The following COL19A1 variants were observed in gnomAD, a reference collection of about 807,000 sequenced individuals.
The protein encoded by COL19A1 is collagen alpha-1(XIX) chain.
A neutral mutation model predicts 190.2 loss-of-function variants in COL19A1; 159 were observed. The ratio of observed to expected loss-of-function variants is 0.84; its 90% confidence interval spans 0.73 to 0.95. The LOEUF (loss-of-function observed/expected upper bound fraction) is 0.95. Among genes scored for constraint, COL19A1 ranks in the 40% least tolerant of loss-of-function variants. The pLI is 0.00. For missense variants in COL19A1, 1,418 were observed against 1,431.9 expected (o/e 0.99, Z 0.16); for synonymous variants, 509 against 458.9 (o/e 1.11, Z -1.39).
rs147003351 is a variant in COL19A1 at position 70,022,204 on chromosome 6, A to G, written c.1027-1423A>G. Among the ~76,000 whole-genome samples the G allele has an allele frequency of 5.8e-3, 887 of 152,328 alleles. 36 individuals carry two copies. The highest frequency in any genetic ancestry group is 0.053 in the Admixed American group (809 of 15,300). On this transcript the variant is annotated intron_variant, in intron 11 of 50. Transcript: ENST00000620364. ...AAAAACAGAAAATATAAAGAAGAGA[A>G]TAAGGCAAAGATTATTACTACTACT...
chr6:70,064,477 A>G (rs1442333086), intron 14 of COL19A1, among the ~76,000 whole-genome samples: 2 of 152,214 alleles, frequency 1.3e-5, no homozygotes, highest in Non-Finnish European at 2.9e-5. Flanking sequence ...AATAAGAGCT[A>G]TTTATGACAA....
At chr6:69,896,116 T>G (rs2149966904) in intron 2 of COL19A1, among the ~76,000 whole-genome samples, 1 of 152,172 alleles carries the variant, frequency 6.6e-6, no homozygotes, top group South Asian at 2.1e-4. Context: ...CTCCACATCC[T>G]CATCAACGCT....
At chr6:69,940,590 T>C (rs1341847320) in intron 9 of COL19A1, among the ~76,000 whole-genome samples, 1 of 152,188 alleles carries the variant, frequency 6.6e-6, no homozygotes. Flanking sequence ...TGCAGTATGT[T>C]TTAAGAATAT....
intron 31 of COL19A1, 122 bp from the exon 32 acceptor site, chr6:70,156,005 A>C (rs998999220): frequency 2.8e-6 from 2 of 704,734 alleles, no homozygotes; most frequent in Non-Finnish European, 4.6e-6. Flanking sequence ...GTCTGAAAGC[A>C]GAATGACCTA....
intron 20 of COL19A1, among the ~76,000 whole-genome samples, chr6:70,141,457 TCATTAAGCACATATAACTAAC>T (rs1374723631): frequency 6.6e-6 from 1 of 152,104 alleles, no homozygotes; most frequent in Non-Finnish European, 1.5e-5. Context: ...GTGATTTTTT[TCATTAAGCACATATAACTAAC>T]CATTAAGCAC....
chr6:69,958,675 G>A (rs569428874), intron 9 of COL19A1, among the ~76,000 whole-genome samples: 45 of 152,202 alleles, frequency 3.0e-4, no homozygotes, highest in Middle Eastern at 3.4e-3. Flanking sequence ...CTGTTTTACC[G>A]TAGAATACTT....
chr6:69,927,878 C>T, intron 4 of COL19A1, 31 bp from the exon 5 acceptor site: 1 of 1,576,732 alleles, frequency 6.3e-7, no homozygotes, highest in Non-Finnish European at 8.6e-7. Context: ...CTCCAGTTTC[C>T]CCACAAAAGT....
At chr6:69,879,971 A>G (rs1340425228) in intron 2 of COL19A1, 1 of 372,966 alleles carries the variant, frequency 2.7e-6, no homozygotes, top group East Asian at 3.9e-5. Flanking sequence ...CCTCTTCAAT[A>G]ATTATTCAAG....
intron 37 of COL19A1, 41 bp downstream of exon 37, chr6:70,166,026 A>G: frequency 6.5e-7 from 1 of 1,549,136 alleles, no homozygotes; most frequent in Non-Finnish European, 8.9e-7. Context: ...TCATGTGTTT[A>G]CTTAAGACTT....
rs773050310 is a variant in COL19A1 at position 69,927,900 on chromosome 6, C to T, written c.267-9C>T. On this transcript the variant is annotated splice_polypyrimidine_tract_variant and intron_variant, in intron 4 of 50. Transcript: ENST00000620364. ...TTCCCCACAAAAGTTCTTTGTTTTC[C>T]TCCCACAGTAAGATATTTCCCAAAG... 1.0e-5 allele frequency: 16 copies of T among 1,588,104 alleles called. No homozygotes were observed. Among genetic ancestry groups the T allele is most frequent in the Non-Finnish European group, 1.4e-5 (16 of 1,164,358 alleles).
chr6:70,110,405 A>T (rs1784218727), intron 16 of COL19A1, among the ~76,000 whole-genome samples: 1 of 152,196 alleles, frequency 6.6e-6, no homozygotes, highest in African/African-American at 2.4e-5. Context: ...AATTTATTTG[A>T]GTCAATGGGA....
chr6:70,142,133 T>C (rs1786294509), intron 22 of COL19A1, 57 bp downstream of exon 22: 2 of 1,495,468 alleles, frequency 1.3e-6, no homozygotes, highest in African/African-American at 1.4e-5. Flanking sequence ...GTAGCCATTC[T>C]GTGTAAAACA....
At position 70,180,297 on chromosome 6, in the gene COL19A1, A is replaced by C; in HGVS notation, c.2668-15A>C. Reference sequence around the variant, plus strand: ...AATTTGGCTCCTAACATTTCTCTTCAATTTGCCTTGCCAGGGAAAACCTGG... The same window carrying C: ...AATTTGGCTCCTAACATTTCTCTTCCATTTGCCTTGCCAGGGAAAACCTGG... On this transcript the variant is annotated splice_polypyrimidine_tract_variant and intron_variant, in intron 42 of 50. Transcript: ENST00000620364. 6.2e-7 allele frequency: 1 copy of C among 1,614,098 alleles called. No individual in the cohort carries two copies. The highest frequency in any genetic ancestry group is 2.2e-5 in the East Asian group (1 of 44,868).
intron 2 of COL19A1, among the ~76,000 whole-genome samples, chr6:69,881,364 C>T (rs999087618): frequency 6.6e-6 from 1 of 152,074 alleles, no homozygotes; most frequent in African/African-American, 2.4e-5. Context: ...CTTTTAGTAA[C>T]TTTTTAAAAT....
intron 16 of COL19A1, among the ~76,000 whole-genome samples, chr6:70,107,093 G>A (rs1184517747): frequency 1.3e-5 from 2 of 152,178 alleles, no homozygotes; most frequent in African/African-American, 4.8e-5. Context: ...ACTTGGAAAT[G>A]TCAAGTAACT....
intron 11 of COL19A1, among the ~76,000 whole-genome samples, chr6:69,982,624 CTTT>C (rs1487304230): frequency 1.3e-5 from 2 of 151,818 alleles, no homozygotes; most frequent in Non-Finnish European, 2.9e-5. Context: ...TCACCAGGCT[CTTT>C]AAGATTATCT....
intron 9 of COL19A1, among the ~76,000 whole-genome samples, chr6:69,944,286 A>G (rs1321580900): frequency 6.6e-6 from 1 of 152,126 alleles, no homozygotes; most frequent in Non-Finnish European, 1.5e-5. Flanking sequence ...TCACGCATCT[A>G]TTTCTTTCCC....
At chr6:70,091,235 C>T (rs1177775706) in intron 15 of COL19A1, among the ~76,000 whole-genome samples, 1 of 152,122 alleles carries the variant, frequency 6.6e-6, no homozygotes, top group Non-Finnish European at 1.5e-5. Context: ...GGCCCCATAA[C>T]CTTGGGCAAG....
chr6:70,069,491 A>G (rs1201905786), intron 15 of COL19A1, among the ~76,000 whole-genome samples: 2 of 152,158 alleles, frequency 1.3e-5, no homozygotes, highest in Non-Finnish European at 2.9e-5. Flanking sequence ...CAACATGCCA[A>G]TAATCTTTGT....
Sources: gnomAD v4.1 joint callset for allele counts (sites outside exome capture counted in the v4.1 genomes callset) on GRCh38, gnomAD v4.1.1 for gene constraint, MANE v1.5 for transcripts, NCBI Gene and HGNC (gene_info 2026-07-23, HGNC 2026-07-21) for gene names.